The following RASAL2 variants were observed in gnomAD, a reference collection of about 807,000 sequenced individuals.
RASAL2 encodes the protein RAS protein activator like 2, also known as ras GTPase-activating protein nGAP.
In RASAL2, 58 loss-of-function variants were observed where a neutral mutation model predicts 128.9. The ratio of observed to expected loss-of-function variants is 0.45; its 90% CI spans 0.36 to 0.56. The LOEUF (loss-of-function observed/expected upper bound fraction) is 0.56, where lower values mean the gene tolerates loss of function less well. Among genes scored for constraint, RASAL2 ranks in the 20% least tolerant of loss-of-function variants. The pLI is 0.00. For synonymous variants in RASAL2, 561 were observed against 580.8 expected (o/e 0.97, Z 0.49); for missense variants, 1,360 against 1,601.6 (o/e 0.85, Z 2.57).
At chr1:178,293,835 G>A (rs986713363) in intron 2 of RASAL2, among the ~76,000 whole-genome samples, 7 of 152,172 alleles carry the variant, frequency 4.6e-5, no homozygotes, top group East Asian at 1.9e-4. Flanking sequence ...ATGTGTTACC[G>A]GAGAACTAAA....
chr1:178,406,436 G>T (rs1674004646), intron 4 of RASAL2, among the ~76,000 whole-genome samples: 1 of 152,162 alleles, frequency 6.6e-6, no homozygotes, highest in South Asian at 2.1e-4. Flanking sequence ...GGGATTGACT[G>T]ACTACAGAAA....
chr1:178,319,582 G>A (rs373360659), intron 3 of RASAL2, among the ~76,000 whole-genome samples: 7 of 146,028 alleles, frequency 4.8e-5, no homozygotes, highest in Non-Finnish European at 1.0e-4. Context: ...CCAGTTGATC[G>A]TATCGGCTCC....
intron 1 of RASAL2, among the ~76,000 whole-genome samples, chr1:178,133,585 A>G (rs7522427): frequency 0.11 from 16,565 of 151,998 alleles, 1,154 homozygotes; most frequent in African/African-American, 0.19. Flanking sequence ...TCACTGTCTA[A>G]CAAAGTTTTG....
At chr1:178,193,971 A>C (rs1662575493) in intron 1 of RASAL2, among the ~76,000 whole-genome samples, 1 of 152,182 alleles carries the variant, frequency 6.6e-6, no homozygotes, top group Admixed American at 6.5e-5. Context: ...TATCACTGTG[A>C]TGTATGGTCA....
intron 1 of RASAL2, among the ~76,000 whole-genome samples, chr1:178,226,896 T>A (rs922285862): frequency 7.2e-5 from 11 of 152,204 alleles, no homozygotes; most frequent in African/African-American, 2.6e-4. Context: ...GCCAAGATCA[T>A]GCCACTGCAC....
chr1:178,236,756 CTTTTTTTTTTTTTT>C (rs549848632), intron 1 of RASAL2, among the ~76,000 whole-genome samples: 15 of 118,440 alleles, frequency 1.3e-4, no homozygotes, highest in African/African-American at 4.7e-4. Context: ...TTGGACACTA[CTTTTTTTTTTTTTT>C]TTTTTTTTTT....
chr1:178,376,217 T>G (rs556643541), intron 3 of RASAL2, among the ~76,000 whole-genome samples: 1 of 152,194 alleles, frequency 6.6e-6, no homozygotes, highest in Non-Finnish European at 1.5e-5. Context: ...GGCTTGACAA[T>G]GTAAGAGACT....
chr1:178,179,957 A>G (rs181950859), intron 1 of RASAL2, among the ~76,000 whole-genome samples: 12 of 152,308 alleles, frequency 7.9e-5, no homozygotes, highest in Admixed American at 4.6e-4. Context: ...CGTTTACAAA[A>G]TTTCTTGTTG....
intron 2 of RASAL2, among the ~76,000 whole-genome samples, chr1:178,288,278 G>A (rs1172470317): frequency 6.6e-6 from 1 of 152,138 alleles, no homozygotes; most frequent in Non-Finnish European, 1.5e-5. Context: ...TAATTTCTAA[G>A]AAGATGTTTT....
intron 3 of RASAL2, among the ~76,000 whole-genome samples, chr1:178,328,838 C>T (rs906154054): frequency 1.3e-5 from 2 of 152,114 alleles, no homozygotes; most frequent in African/African-American, 4.8e-5. Context: ...ATACAAATCA[C>T]AATTACCAGT....
At chr1:178,265,417 A>G (rs889367943) in intron 1 of RASAL2, among the ~76,000 whole-genome samples, 29 of 152,214 alleles carry the variant, frequency 1.9e-4, no homozygotes, top group East Asian at 1.4e-3. Context: ...CTCCTTTTCA[A>G]TGCCCAAATA....
chr1:178,139,556 A>G (rs1660456645), intron 1 of RASAL2, among the ~76,000 whole-genome samples: 1 of 152,104 alleles, frequency 6.6e-6, no homozygotes, highest in Non-Finnish European at 1.5e-5. Context: ...GCACAGAGTT[A>G]TTGACAAAAT....
rs74746833 is a variant in RASAL2 at position 178,382,508 on chromosome 1, A to G, written c.458-7592A>G. Among the ~76,000 whole-genome samples, 378 of 152,266 alleles carry G rather than the reference A, an allele frequency of 2.5e-3. 2 individuals carry two copies. The highest frequency in any genetic ancestry group is 4.4e-3 in the Non-Finnish European group (299 of 67,998). On this transcript the variant is annotated intron_variant, in intron 3 of 17. Coordinates refer to ENST00000367649, the MANE Select transcript of RASAL2 (RefSeq NM_170692.4). ...GCCCATTATACAAAACACATGGAGA[A>G]CAGGATAGAATGCATGGCAATTAAA...
At chr1:178,125,847 T>A (rs1301981029) in intron 1 of RASAL2, among the ~76,000 whole-genome samples, 1 of 152,216 alleles carries the variant, frequency 6.6e-6, no homozygotes, top group African/African-American at 2.4e-5. Context: ...AGCAGAGAGT[T>A]CATTTTTCAT....
intron 1 of RASAL2, among the ~76,000 whole-genome samples, chr1:178,212,486 A>C (rs1187193077): frequency 6.6e-6 from 1 of 151,964 alleles, no homozygotes; most frequent in Non-Finnish European, 1.5e-5. Context: ...GTAGACTTCT[A>C]ACTCTTTTTT....
intron 4 of RASAL2, among the ~76,000 whole-genome samples, chr1:178,406,698 C>G (rs969056597): frequency 6.6e-6 from 1 of 151,974 alleles, no homozygotes; most frequent in Non-Finnish European, 1.5e-5. Context: ...AAATGAATCT[C>G]TAAGAATGTA....
At chr1:178,445,798 T>G in intron 9 of RASAL2, 136 bp downstream of exon 9, 1 of 903,794 alleles carries the variant, frequency 1.1e-6, no homozygotes, top group South Asian at 1.8e-5. Flanking sequence ...GTTTGAATCA[T>G]GGCTGTAAGA....
chr1:178,291,250 T>C (rs139848202), intron 2 of RASAL2, among the ~76,000 whole-genome samples: 257 of 152,280 alleles, frequency 1.7e-3, no homozygotes, highest in African/African-American at 5.9e-3. Context: ...AGAGGAAAAG[T>C]GATAGCTAGC....
intron 1 of RASAL2, among the ~76,000 whole-genome samples, chr1:178,134,443 G>C (rs550512455): frequency 4.0e-4 from 48 of 120,306 alleles, no homozygotes; most frequent in Admixed American, 1.1e-3. Flanking sequence ...AGGTGGCAAA[G>C]TGAGACCCTA....
Sources: allele counts gnomAD v4.1 joint callset (sites outside exome capture counted in the v4.1 genomes callset), GRCh38; gene constraint gnomAD v4.1.1; transcripts MANE v1.5; gene names NCBI Gene and HGNC (gene_info 2026-07-23, HGNC 2026-07-21).